Variants in SNTG2 observed in about 807,000 individuals in gnomAD.
The protein encoded by SNTG2 is syntrophin gamma 2.
Under a neutral mutation model 70.9 loss-of-function variants are expected in SNTG2, and 74 were observed. That is an observed-to-expected ratio of 1.04 (90% confidence interval 0.86 to 1.27). SNTG2 has a LOEUF of 1.27. SNTG2 is among the 50% of genes most tolerant of loss of function. The pLI is 0.00. For synonymous variants in SNTG2, 278 were observed against 273.8 expected (o/e 1.02, Z -0.15); for missense variants, 717 against 690.7 (o/e 1.04, Z -0.43).
chr2:967,430 T>C (rs949513637), intron 1 of SNTG2, among the ~76,000 whole-genome samples: 2 of 152,256 alleles, frequency 1.3e-5, no homozygotes, highest in African/African-American at 4.8e-5. Context: ...GGAGTGGATG[T>C]TGAATATGGT....
intron 8 of SNTG2, among the ~76,000 whole-genome samples, chr2:1,207,584 G>C (rs1673718986): frequency 6.6e-6 from 1 of 152,218 alleles, no homozygotes; most frequent in Admixed American, 6.5e-5. Context: ...AGGTGGAGGA[G>C]AATGAGAAGG....
At chr2:1,018,715 T>C (rs4544478) in intron 1 of SNTG2, among the ~76,000 whole-genome samples, 55,637 of 152,094 alleles carry the variant, frequency 0.37, 11,056 homozygotes, top group Middle Eastern at 0.52. Flanking sequence ...AGCCAATGCA[T>C]GCTCAAGTGG....
At chr2:1,181,425 C>T (rs1490371808) in intron 8 of SNTG2, among the ~76,000 whole-genome samples, 1 of 152,134 alleles carries the variant, frequency 6.6e-6, no homozygotes, top group East Asian at 1.9e-4. Flanking sequence ...TTTTCAGACT[C>T]ACCAGCTTCA....
At chr2:1,230,112 G>A (rs907386259) in intron 9 of SNTG2, among the ~76,000 whole-genome samples, 3 of 152,238 alleles carry the variant, frequency 2.0e-5, no homozygotes, top group South Asian at 2.1e-4. Context: ...AGGAGGCGCC[G>A]AGAGCGAGCG....
At chr2:1,314,940 G>A (rs1348155090) in intron 15 of SNTG2, among the ~76,000 whole-genome samples, 1 of 152,156 alleles carries the variant, frequency 6.6e-6, no homozygotes, top group Non-Finnish European at 1.5e-5. Context: ...TCATGATTCA[G>A]TTACCTCCCA....
chr2:1,033,920 A>G (rs1334193646), intron 1 of SNTG2, among the ~76,000 whole-genome samples: 2 of 152,142 alleles, frequency 1.3e-5, no homozygotes, highest in Admixed American at 6.5e-5. Context: ...TGTTAAGTAT[A>G]GTGATTTCAT....
At chr2:1,308,878 G>GAA (rs201874455) in intron 15 of SNTG2, among the ~76,000 whole-genome samples, 1 of 151,744 alleles carries the variant, frequency 6.6e-6, no homozygotes, top group African/African-American at 2.4e-5. Context: ...TAAACGCTTT[G>GAA]AAAAAAAACA....
intron 1 of SNTG2, among the ~76,000 whole-genome samples, chr2:1,019,160 T>G (rs921123074): frequency 6.6e-6 from 1 of 152,168 alleles, no homozygotes; most frequent in African/African-American, 2.4e-5. Context: ...CGTCATGGTG[T>G]GTATTGTGCA....
intron 8 of SNTG2, among the ~76,000 whole-genome samples, chr2:1,202,465 G>GAA (rs35754815): frequency 3.3e-5 from 5 of 149,832 alleles, no homozygotes; most frequent in Middle Eastern, 3.5e-3. Flanking sequence ...AGAGGATCGT[G>GAA]AAAAAAAAAT....
At chr2:1,288,162 G>T (rs1349645029) in intron 14 of SNTG2, among the ~76,000 whole-genome samples, 1 of 152,198 alleles carries the variant, frequency 6.6e-6, no homozygotes, top group Non-Finnish European at 1.5e-5. Flanking sequence ...ATCCAACTTG[G>T]CTATTTTTAC....
At chr2:1,173,303 C>T (rs1400390054) in intron 8 of SNTG2, 120 bp downstream of exon 8, 13 of 941,608 alleles carry the variant, frequency 1.4e-5, no homozygotes, top group Admixed American at 6.7e-5. Flanking sequence ...GTGTTAGTTT[C>T]AGAGGAAATA....
chr2:1,130,093 T>A (rs779154647), intron 4 of SNTG2, among the ~76,000 whole-genome samples: 14 of 152,234 alleles, frequency 9.2e-5, no homozygotes, highest in Admixed American at 3.3e-4. Flanking sequence ...TGTGCCTGTC[T>A]TATTTTTCTT....
At chr2:1,202,697 A>G (rs1300923689) in intron 8 of SNTG2, among the ~76,000 whole-genome samples, 1 of 152,218 alleles carries the variant, frequency 6.6e-6, no homozygotes, top group Non-Finnish European at 1.5e-5. Flanking sequence ...TTAAATATAA[A>G]GATACCCACA....
intron 16 of SNTG2, among the ~76,000 whole-genome samples, chr2:1,339,681 T>C (rs1659986678): frequency 6.6e-6 from 1 of 152,226 alleles, no homozygotes; most frequent in Admixed American, 6.5e-5. Flanking sequence ...GTGTGAATCT[T>C]AAGCTGATGA....
rs116316929 is a variant in SNTG2, at chr2:951,359, C to T, written c.72+291C>T. On this transcript the variant is annotated intron_variant, in intron 1 of 16. Transcript: ENST00000308624. ...GAGGCGCCCGGGCTTCCCTTTACTG[C>T]GTGGGAAGTAGTGCTTTCCAGAATT... Among the ~76,000 whole-genome samples the T allele has an allele frequency of 3.1e-3, 477 of 152,346 alleles. 1 individual carries two copies. The highest frequency in any genetic ancestry group is 0.011 in the African/African-American group (460 of 41,592).
intron 14 of SNTG2, among the ~76,000 whole-genome samples, chr2:1,295,577 G>T (rs945297185): frequency 6.6e-6 from 1 of 152,212 alleles, no homozygotes; most frequent in African/African-American, 2.4e-5. Flanking sequence ...CCAATGTTTG[G>T]GTGGGAGGGG....
chr2:954,207 G>C (rs1660071162), intron 1 of SNTG2, among the ~76,000 whole-genome samples: 1 of 152,174 alleles, frequency 6.6e-6, no homozygotes, highest in Non-Finnish European at 1.5e-5. Flanking sequence ...CGTGGAAATG[G>C]AGAAGGAAGG....
intron 1 of SNTG2, among the ~76,000 whole-genome samples, chr2:995,227 G>A (rs1661639524): frequency 1.3e-5 from 2 of 151,968 alleles, no homozygotes; most frequent in South Asian, 4.2e-4. Flanking sequence ...ATCAGATTGA[G>A]GAAGTTCTGT....
chr2:1,260,012 G>A (rs1428102005), intron 13 of SNTG2, among the ~76,000 whole-genome samples: 7 of 152,206 alleles, frequency 4.6e-5, no homozygotes, highest in Non-Finnish European at 1.0e-4. Flanking sequence ...GTGGCCGGGT[G>A]CCACCGTGTC....
Sources: gnomAD v4.1 joint callset for allele counts (sites outside exome capture counted in the v4.1 genomes callset) on GRCh38, gnomAD v4.1.1 for gene constraint, MANE v1.5 for transcripts, NCBI Gene and HGNC (gene_info 2026-07-23, HGNC 2026-07-21) for gene names.